SOX13: variants seen among roughly 807,000 people sequenced by gnomAD.
SOX13 encodes the protein transcription factor SOX-13.
In SOX13, 28 loss-of-function variants were observed where a neutral mutation model predicts 71.8. That is an observed-to-expected ratio of 0.39 (90% CI 0.29 to 0.53). The LOEUF (loss-of-function observed/expected upper bound fraction) is 0.53, where lower values mean the gene tolerates loss of function less well. Among genes scored for constraint, SOX13 ranks in the 20% least tolerant of loss-of-function variants. The pLI, the probability that SOX13 is intolerant of heterozygous loss-of-function variation, is 0.70. For synonymous variants in SOX13, 309 were observed against 317.8 expected (o/e 0.97, Z 0.29); for missense variants, 627 against 810.3 (o/e 0.77, Z 2.75).
intron 1 of SOX13, among the ~76,000 whole-genome samples, chr1:204,092,849 G>A (rs111704976): frequency 0.016 from 2,436 of 152,254 alleles, 65 homozygotes; most frequent in African/African-American, 0.054. Flanking sequence ...TGGTTGCTAC[G>A]TGCAGATTTG....
intron 1 of SOX13, among the ~76,000 whole-genome samples, chr1:204,098,472 CAAAA>C (rs565698884): frequency 8.7e-5 from 12 of 138,328 alleles, no homozygotes; most frequent in Admixed American, 7.9e-4. Flanking sequence ...GAGCGAGACT[CAAAA>C]AAAAAAAAAA....
At chr1:204,122,135 C>T (rs1656820488) in intron 8 of SOX13, 102 bp from the exon 9 acceptor site, 1 of 1,150,952 alleles carries the variant, frequency 8.7e-7, no homozygotes, top group Admixed American at 2.3e-5. Flanking sequence ...TTCTGTCTGT[C>T]TCCTTGTGTG....
chr1:204,119,480 T>G (rs1379550922), intron 7 of SOX13: 1 of 152,022 alleles, frequency 6.6e-6, no homozygotes, highest in Non-Finnish European at 1.5e-5. Flanking sequence ...GGCTCCACCC[T>G]CATGACCCAG....
chr1:204,082,077 T>G (rs1220218972), intron 1 of SOX13, among the ~76,000 whole-genome samples: 9 of 134,862 alleles, frequency 6.7e-5, no homozygotes, highest in South Asian at 2.6e-4. Flanking sequence ...GTGGGGTGTG[T>G]GTGGGGGGGA....
chr1:204,102,442 C>T (rs1003564288), intron 1 of SOX13, among the ~76,000 whole-genome samples: 1 of 152,146 alleles, frequency 6.6e-6, no homozygotes, highest in Non-Finnish European at 1.5e-5. Flanking sequence ...GGGAAGGCAC[C>T]GTGGCTTGGC....
chr1:204,095,850 T>C (rs1257468626), intron 1 of SOX13, among the ~76,000 whole-genome samples: 3 of 152,214 alleles, frequency 2.0e-5, no homozygotes, highest in Non-Finnish European at 4.4e-5. Flanking sequence ...TCCAGCCCTG[T>C]AACTCTATTC....
chr1:204,090,976 A>T (rs1656129432), intron 1 of SOX13, among the ~76,000 whole-genome samples: 1 of 152,196 alleles, frequency 6.6e-6, no homozygotes, highest in African/African-American at 2.4e-5. Flanking sequence ...AACCTTGGAC[A>T]CGGGCCGAGG....
At position 204,122,293 on chromosome 1, in the gene SOX13, C is replaced by A. The variant is rs760432038; in HGVS notation, c.918C>A (p.Asn306Lys). The A allele has an allele frequency of 6.3e-7, 1 of 1,586,382 alleles. No individual in the cohort carries two copies. The highest frequency in any genetic ancestry group is 8.6e-7 in the Non-Finnish European group (1 of 1,166,720). The change falls in exon 9 of 14, where the codon AAC becomes AAA. Residue 306 changes from asparagine (N) to lysine (K), a missense_variant. Asn to Lys is a moderately conservative substitution (Grantham distance 94). Coordinates refer to ENST00000367204, the MANE Select transcript of SOX13 (RefSeq NM_005686.3). ...AGCCCAAGGCCCCCGAGCTGCCCAA[C>A]ACCTCCAGCTCCCCAAGCCTGAAGA... ...TAKPKAPELP[N>K]TSSSPSLKMS...
rs1211225191 is a variant in SOX13 at position 204,124,731 on chromosome 1, C to T, written c.1466C>T (p.Pro489Leu). 1 of 1,612,800 alleles carries T rather than the reference C, an allele frequency of 6.2e-7. No homozygotes were observed. The highest frequency in any genetic ancestry group is 1.1e-5 in the South Asian group (1 of 90,766). ...RLSRQHLEKY[P>L]DYKYKPRPKR... ...AGCCGGCAGCACCTGGAGAAGTATC[C>T]TGACTACAAGTACAAGCCGCGGCCC... The change falls in exon 13 of 14, where the codon CCT (proline) becomes CTT (leucine). Residue 489 changes from proline to leucine, a missense_variant. Pro to Leu is a moderately conservative substitution (Grantham distance 98). Transcript: ENST00000367204.
At chr1:204,094,456 G>T (rs892520369) in intron 1 of SOX13, among the ~76,000 whole-genome samples, 1 of 152,212 alleles carries the variant, frequency 6.6e-6, no homozygotes, top group Non-Finnish European at 1.5e-5. Flanking sequence ...TTTGAGCTGG[G>T]CACCTTCAGT....
intron 1 of SOX13, among the ~76,000 whole-genome samples, chr1:204,108,052 T>G (rs1341428680): frequency 6.6e-6 from 1 of 152,132 alleles, no homozygotes; most frequent in East Asian, 1.9e-4. Flanking sequence ...GGAGGCTAAG[T>G]GTGTGTAGAA....
At chr1:204,104,916 A>G (rs1323389868) in intron 1 of SOX13, among the ~76,000 whole-genome samples, 2 of 152,098 alleles carry the variant, frequency 1.3e-5, no homozygotes, top group South Asian at 2.1e-4. Flanking sequence ...TTCCAATCCA[A>G]CAGGGTCAGT....
At chr1:204,094,150 C>T (rs1270568260) in intron 1 of SOX13, among the ~76,000 whole-genome samples, 2 of 152,324 alleles carry the variant, frequency 1.3e-5, no homozygotes, top group Admixed American at 6.5e-5. Context: ...TAGAAAATAA[C>T]TGTGCCGAGT....
At position 204,124,839 on chromosome 1, in the gene SOX13, G is replaced by A. The variant is rs200149789; in HGVS notation, c.1574G>A (p.Arg525His). Residue 525 changes from arginine (R) to histidine (H), a missense_variant, in exon 13 of 14, where the codon CGC becomes CAC. Arg to His is a conservative substitution (Grantham distance 29). Transcript: ENST00000367204. The part of the protein sequence containing the change: ...ALMRTRRQDA[R>H]QSYVIPPQAG... ...ATGAGGACCCGGCGTCAGGATGCCC[G>A]CCAGAGCTACGTGATCCCGTGAGCA... 1.1e-3 allele frequency: 1,754 copies of A among 1,572,450 alleles called. 2 individuals are homozygous for A. Among genetic ancestry groups the A allele is most frequent in the Non-Finnish European group, 1.3e-3 (1,531 of 1,159,600 alleles).
chr1:204,097,566 C>G (rs1558214278), intron 1 of SOX13, among the ~76,000 whole-genome samples: 1 of 151,814 alleles, frequency 6.6e-6, no homozygotes, highest in Non-Finnish European at 1.5e-5. Context: ...TGGCGCATGC[C>G]TGTAATCCCA....
chr1:204,075,404 CCT>C (rs1329686426), intron 1 of SOX13, among the ~76,000 whole-genome samples: 1 of 152,264 alleles, frequency 6.6e-6, no homozygotes, highest in African/African-American at 2.4e-5. Flanking sequence ...GAGGCTGACC[CCT>C]GTTTCCACTG....
chr1:204,107,916 A>C (rs1225228768), intron 1 of SOX13, among the ~76,000 whole-genome samples: 1 of 152,142 alleles, frequency 6.6e-6, no homozygotes, highest in East Asian at 1.9e-4. Flanking sequence ...GACACCTCTA[A>C]GCTGGCTTGG....
intron 1 of SOX13, among the ~76,000 whole-genome samples, chr1:204,085,042 A>G (rs1655988168): frequency 6.6e-6 from 1 of 152,208 alleles, no homozygotes; most frequent in South Asian, 2.1e-4. Context: ...GATGGAAGCT[A>G]AGATGAGACT....
At chr1:204,085,909 G>A (rs1257833422) in intron 1 of SOX13, among the ~76,000 whole-genome samples, 1 of 151,752 alleles carries the variant, frequency 6.6e-6, no homozygotes, top group Non-Finnish European at 1.5e-5. Flanking sequence ...GAACCCGGGA[G>A]GCGGAGCAGT....
Sources: gnomAD v4.1 joint callset for allele counts (sites outside exome capture counted in the v4.1 genomes callset) on GRCh38, gnomAD v4.1.1 for gene constraint, MANE v1.5 for transcripts, NCBI Gene and HGNC (gene_info 2026-07-23, HGNC 2026-07-21) for gene names.